Variants in TK2 observed in about 807,000 individuals in gnomAD.
TK2 encodes the protein thymidine kinase 2, also known as thymidine kinase 2, mitochondrial.
Under a neutral mutation model 41.9 loss-of-function variants are expected in TK2, and 35 were observed. The ratio of observed to expected loss-of-function variants is 0.84; its 90% CI spans 0.64 to 1.11. TK2 has a LOEUF of 1.11. TK2 is among the 50% of genes least tolerant of loss of function. The pLI is 0.00. For synonymous variants in TK2, 128 were observed against 129.1 expected (o/e 0.99, Z 0.06); for missense variants, 320 against 351.1 (o/e 0.91, Z 0.71).
intron 1 of TK2, chr16:66,549,222 G>C: frequency 7.0e-7 from 1 of 1,425,748 alleles, no homozygotes. Context: ...TGGACCCCCA[G>C]TGTGCTCGAG....
At chr16:66,543,626 C>T (rs1199080244) in intron 2 of TK2, among the ~76,000 whole-genome samples, 2 of 152,182 alleles carry the variant, frequency 1.3e-5, no homozygotes, top group African/African-American at 4.8e-5. Context: ...AGGTAACTTA[C>T]CCAAGTGCCA....
chr16:66,525,410 C>A (rs1419282295), intron 6 of TK2, among the ~76,000 whole-genome samples: 1 of 152,256 alleles, frequency 6.6e-6, no homozygotes, highest in East Asian at 1.9e-4. Flanking sequence ...AATGCAAAAT[C>A]CCAATGAATT....
At chr16:66,539,111 T>C (rs116215927) in intron 3 of TK2, among the ~76,000 whole-genome samples, 274 of 152,308 alleles carry the variant, frequency 1.8e-3, no homozygotes, top group African/African-American at 6.2e-3. Context: ...TCGTTGTTAA[T>C]CGGGTCCAAG....
Position 66,512,079 on chromosome 16 carries a change from C to T in TK2, c.700-13G>A, listed in dbSNP as rs16956600. ...CAGCCTCAATCACCTGGAAATTAGACACATGGGTCACAAGGCTGCACTGAC... is the reference window on the plus strand; with the variant it reads ...CAGCCTCAATCACCTGGAAATTAGATACATGGGTCACAAGGCTGCACTGAC... On this transcript the variant is annotated splice_polypyrimidine_tract_variant and intron_variant, in intron 9 of 9. Transcript: ENST00000544898. 153,772 of 1,610,742 alleles carry T rather than the reference C, an allele frequency of 0.095. 8,333 individuals are homozygous for T. Among genetic ancestry groups the T allele is most frequent in the African/African-American group, 0.2 (14,747 of 74,938 alleles).
chr16:66,520,508 G>C, intron 6 of TK2, among the ~76,000 whole-genome samples: 1 of 152,136 alleles, frequency 6.6e-6, no homozygotes, highest in East Asian at 1.9e-4. Context: ...GGCCCAATTT[G>C]GATTAGGCAG....
intron 8 of TK2, among the ~76,000 whole-genome samples, chr16:66,515,680 G>A (rs558677780): frequency 6.6e-6 from 1 of 152,210 alleles, no homozygotes; most frequent in African/African-American, 2.4e-5. Flanking sequence ...CGGCCCCCAG[G>A]CTTGGGGAGC....
intron 1 of TK2, 103 bp from the exon 2 acceptor site, chr16:66,549,112 C>T (rs766025902): frequency 6.3e-6 from 10 of 1,576,014 alleles, no homozygotes; most frequent in Non-Finnish European, 8.6e-6. Flanking sequence ...ATGCTCACTC[C>T]CTGGCCTAAA....
At chr16:66,549,704 G>A in intron 1 of TK2, 1 of 1,260,072 alleles carries the variant, frequency 7.9e-7, no homozygotes, top group Non-Finnish European at 9.9e-7. Context: ...TGTCCGTCCT[G>A]CTCTTTAAAG....
chr16:66,529,089 A>G, intron 5 of TK2, 22 bp from the exon 6 acceptor site: 2 of 1,611,824 alleles, frequency 1.2e-6, no homozygotes, highest in Non-Finnish European at 8.5e-7. Context: ...CAAAAAGAGA[A>G]TCACTAACTC....
intron 8 of TK2, among the ~76,000 whole-genome samples, chr16:66,515,550 C>A (rs990104390): frequency 2.6e-5 from 4 of 152,228 alleles, no homozygotes; most frequent in African/African-American, 9.6e-5. Flanking sequence ...CAGAGGCTCG[C>A]GTGTCAACTC....
chr16:66,527,995 G>A (rs547300427), intron 6 of TK2, among the ~76,000 whole-genome samples: 6 of 150,962 alleles, frequency 4.0e-5, no homozygotes, highest in Admixed American at 2.0e-4. Context: ...TCGTGCCCCC[G>A]TACTCCAGCT....
intron 6 of TK2, among the ~76,000 whole-genome samples, chr16:66,519,624 G>A (rs756395833): frequency 1.6e-4 from 25 of 152,232 alleles, no homozygotes; most frequent in Non-Finnish European, 3.2e-4. Flanking sequence ...AAATGAACAG[G>A]AAAGAGAGAG....
At chr16:66,527,782 C>A (rs1300934929) in intron 6 of TK2, among the ~76,000 whole-genome samples, 1 of 152,186 alleles carries the variant, frequency 6.6e-6, no homozygotes, top group Non-Finnish European at 1.5e-5. Flanking sequence ...ATAATCCCAG[C>A]ACTTTGGGAG....
chr16:66,517,015 C>T lies in TK2; in HGVS notation c.618+121G>A, dbSNP rs1375839943. 4.4e-6 allele frequency: 4 copies of T among 900,652 alleles called. No individual in the cohort carries two copies. Among genetic ancestry groups the T allele is most frequent in the Non-Finnish European group, 7.5e-6 (4 of 534,334 alleles). The allele number at this position is 900,652 out of a possible 1,614,324, so 55.8% of individuals were successfully genotyped here. ...GTTCACCCTCTGATACACTTGGTTC[C>T]TGTTCTCTCTCTGCAAACAAGGGCA... On this transcript the variant is annotated intron_variant, in intron 8 of 9. Transcript: ENST00000544898. The surrounding 1 kb of genome is among the most constrained non-coding windows in gnomAD (Gnocchi z 4.3).
intron 5 of TK2, among the ~76,000 whole-genome samples, chr16:66,531,084 C>G (rs1368846950): frequency 6.6e-6 from 1 of 152,178 alleles, no homozygotes; most frequent in Non-Finnish European, 1.5e-5. Context: ...AGGGACCACA[C>G]TTTGAGAAGA....
chr16:66,509,743 G>A lies in TK2; in HGVS notation c.*2225C>T, dbSNP rs1964395392. ...CAGCCATGACCCCCCAGTGCTCTAA[G>A]GACAAGGCCCTGTTGTGCCCATGTG... On this transcript the variant is annotated 3_prime_UTR_variant, in exon 10 of 10. Coordinates refer to ENST00000544898, the MANE Select transcript of TK2 (RefSeq NM_004614.5). 6.5e-6 allele frequency: 1 copy of A among 152,814 alleles called. No homozygotes were observed. Among genetic ancestry groups the A allele is most frequent in the African/African-American group, 2.4e-5 (1 of 41,468 alleles). 9.5% of individuals were successfully genotyped at this position (152,814 alleles called of 1,614,324 possible). A position where few individuals can be genotyped will look rare whatever the true frequency, so the allele number is the denominator to read the frequency against.
intron 1 of TK2, 187 bp downstream of exon 1, chr16:66,549,751 C>T: frequency 1.6e-6 from 2 of 1,278,924 alleles, no homozygotes; most frequent in Non-Finnish European, 9.8e-7. Context: ...CCGAGCGCCC[C>T]CAGCGCTCGC....
intron 4 of TK2, among the ~76,000 whole-genome samples, chr16:66,532,556 G>T (rs1965148095): frequency 6.6e-6 from 1 of 151,848 alleles, no homozygotes. Context: ...AGTGGGCCGA[G>T]ATCGTACCAC....
At chr16:66,512,386 G>C (rs369639460) in intron 9 of TK2, among the ~76,000 whole-genome samples, 203 of 152,224 alleles carry the variant, frequency 1.3e-3, no homozygotes, top group African/African-American at 4.8e-3. Flanking sequence ...AACACAGTGA[G>C]ACCCTGTAAG....
Sources: allele counts gnomAD v4.1 joint callset (sites outside exome capture counted in the v4.1 genomes callset), GRCh38; gene constraint gnomAD v4.1.1; non-coding constraint Gnocchi (gnomAD v3.1); transcripts MANE v1.5; gene names NCBI Gene and HGNC (gene_info 2026-07-23, HGNC 2026-07-21).